Variants in DACH2 observed in about 807,000 individuals in gnomAD.
The protein encoded by DACH2 is dachshund homolog 2.
DACH2 carries 17 observed loss-of-function variants against 35.8 expected under a neutral mutation model. That is an observed-to-expected ratio of 0.48 (90% CI 0.33 to 0.71). The LOEUF (loss-of-function observed/expected upper bound fraction) is 0.71, where lower values mean the gene tolerates loss of function less well. Among genes scored for constraint, DACH2 ranks in the 30% least tolerant of loss-of-function variants. DACH2 has a pLI of 0.02. For synonymous variants in DACH2, 195 were observed against 177.3 expected (o/e 1.10, Z -0.79); for missense variants, 469 against 472.7 (o/e 0.99, Z 0.07).
At chrX:86,481,760 G>A (rs1224886979) in intron 2 of DACH2, 1 of 112,042 alleles carries the variant, frequency 8.9e-6, no homozygotes, top group African/African-American at 3.2e-5. Context: ...CTCATATCAT[G>A]TACATTCCTA....
chrX:86,318,527 A>G (rs936244519), intron 1 of DACH2, among the ~76,000 whole-genome samples: 2 of 111,914 alleles, frequency 1.8e-5, no homozygotes, highest in African/African-American at 6.5e-5. Flanking sequence ...CCATTGGCTT[A>G]CAATAACCCA....
At chrX:86,192,353 T>G (rs2031855641) in intron 1 of DACH2, among the ~76,000 whole-genome samples, 1 of 112,272 alleles carries the variant, frequency 8.9e-6, no homozygotes, top group Admixed American at 9.5e-5. Flanking sequence ...GCTCAATCAG[T>G]ATTGAGCTTG....
intron 1 of DACH2, among the ~76,000 whole-genome samples, chrX:86,274,791 C>T (rs940265876): frequency 6.3e-5 from 7 of 110,903 alleles, no homozygotes; most frequent in Non-Finnish European, 7.5e-5. Flanking sequence ...AGCCACCGCG[C>T]CCTGCCAACA....
chrX:86,419,081 G>C (rs2036757560), intron 2 of DACH2, among the ~76,000 whole-genome samples: 1 of 111,426 alleles, frequency 9.0e-6, no homozygotes, highest in Non-Finnish European at 1.9e-5. Context: ...GGATTTCCTT[G>C]TTCATATCAT....
intron 3 of DACH2, among the ~76,000 whole-genome samples, chrX:86,627,370 C>A (rs2040150424): frequency 9.0e-6 from 1 of 111,727 alleles, no homozygotes; most frequent in African/African-American, 3.3e-5. Context: ...TATATGATAT[C>A]CATCTTTTCT....
intron 1 of DACH2, among the ~76,000 whole-genome samples, chrX:86,254,667 T>G (rs76577505): frequency 0.036 from 3,728 of 102,613 alleles, 67 homozygotes; most frequent in South Asian, 0.075. Flanking sequence ...TATTTTTTTT[T>G]TGTGTGTTTC....
chrX:86,699,637 G>A (rs1171385840), intron 5 of DACH2, among the ~76,000 whole-genome samples: 3 of 111,203 alleles, frequency 2.7e-5, no homozygotes, highest in Non-Finnish European at 5.7e-5. Flanking sequence ...ATTTGGATGG[G>A]GAAACAGAGC....
At chrX:86,757,403 A>G (rs745971269) in intron 7 of DACH2, among the ~76,000 whole-genome samples, 6 of 111,834 alleles carry the variant, frequency 5.4e-5, no homozygotes, top group African/African-American at 1.6e-4. Context: ...GTTAGGGAGA[A>G]TTTCTTCCAA....
At chrX:86,292,951 G>T (rs1411616307) in intron 1 of DACH2, among the ~76,000 whole-genome samples, 3 of 100,995 alleles carry the variant, frequency 3.0e-5, no homozygotes, top group Non-Finnish European at 6.0e-5. Context: ...TCCGCTTGGT[G>T]AAGAGCTGAG....
At chrX:86,624,358 G>A (rs1263279935) in intron 3 of DACH2, among the ~76,000 whole-genome samples, 2 of 111,750 alleles carry the variant, frequency 1.8e-5, no homozygotes, top group Non-Finnish European at 3.8e-5. Flanking sequence ...CTTACATGAG[G>A]TACATGGCAA....
chrX:86,718,543 T>G (rs1465445610), intron 6 of DACH2, among the ~76,000 whole-genome samples: 1 of 112,047 alleles, frequency 8.9e-6, no homozygotes, highest in East Asian at 2.8e-4. Flanking sequence ...TATTCATAAA[T>G]ACTTTGCCTA....
At chrX:86,729,961 A>G (rs1161791444) in intron 6 of DACH2, among the ~76,000 whole-genome samples, 8 of 110,612 alleles carry the variant, frequency 7.2e-5, no homozygotes, top group African/African-American at 2.3e-4. Flanking sequence ...ATTTCTTTAT[A>G]TGAATGCAAG....
chrX:86,466,689 G>T (rs2037675057), intron 2 of DACH2, among the ~76,000 whole-genome samples: 1 of 111,902 alleles, frequency 8.9e-6, no homozygotes, highest in Non-Finnish European at 1.9e-5. Context: ...GTAAACTTTT[G>T]CCTGAGTATC....
chrX:86,281,480 A>G (rs1234371963), intron 1 of DACH2, among the ~76,000 whole-genome samples: 2 of 111,694 alleles, frequency 1.8e-5, no homozygotes, highest in Non-Finnish European at 3.8e-5. Context: ...TCAATCAACT[A>G]GGTATTGATG....
chrX:86,323,066 A>T (rs1339796651), intron 1 of DACH2, among the ~76,000 whole-genome samples: 3 of 112,570 alleles, frequency 2.7e-5, no homozygotes, highest in African/African-American at 9.7e-5. Flanking sequence ...AAGGGCAGAC[A>T]AGGTTCTGCA....
Position 86,739,873 on chromosome X carries a change from G to C in DACH2, c.1231G>C (p.Glu411Gln). The change falls in exon 7 of 12, where the codon GAA (glutamate) becomes CAA (glutamine). Residue 411 changes from glutamate (E) to glutamine (Q), a missense_variant. Around this residue, in one of 3 missense-constraint regions of DACH2, gnomAD observed 363 missense variants for 334.4 expected, o/e 1.09. Transcript: ENST00000373125. ...TCCCTCTCAGATGGATCATCATTTG[G>C]AAAGAATGGGTGAGTAACTTTTCTG... ...SSPSQMDHHL[E>Q]RMEEVPVQIP... 8.4e-7 allele frequency: 1 copy of C among 1,196,042 alleles called. No homozygotes were observed. The highest frequency in any genetic ancestry group is 1.1e-6 in the Non-Finnish European group (1 of 888,944).
chrX:86,637,697 A>C (rs1208027694), intron 3 of DACH2, among the ~76,000 whole-genome samples: 1 of 111,015 alleles, frequency 9.0e-6, no homozygotes, highest in Admixed American at 9.6e-5. Context: ...ACACATAGAG[A>C]GAAACTACAC....
intron 3 of DACH2, among the ~76,000 whole-genome samples, chrX:86,560,488 G>T (rs1186028427): frequency 9.3e-6 from 1 of 107,421 alleles, no homozygotes. Flanking sequence ...AAGTTGGCCT[G>T]CCTTGCTAGA....
chrX:86,637,650 C>T (rs1461514969), intron 3 of DACH2, among the ~76,000 whole-genome samples: 1 of 111,503 alleles, frequency 9.0e-6, no homozygotes, highest in South Asian at 3.7e-4. Context: ...CACATATCCT[C>T]ACTTATAAGT....
Sources: gnomAD v4.1 joint callset for allele counts (sites outside exome capture counted in the v4.1 genomes callset) on GRCh38, gnomAD v4.1.1 for gene constraint, gnomAD v4.1.1 regional missense constraint, MANE v1.5 for transcripts, NCBI Gene and HGNC (gene_info 2026-07-23, HGNC 2026-07-21) for gene names.